OSBPL6: variants seen among roughly 807,000 people sequenced by gnomAD.
The protein encoded by OSBPL6 is oxysterol binding protein like 6.
Under a neutral mutation model 125.8 loss-of-function variants are expected in OSBPL6, and 49 were observed. That is an observed-to-expected ratio of 0.39 (90% CI 0.31 to 0.49). The LOEUF (loss-of-function observed/expected upper bound fraction) is 0.49, where lower values mean the gene tolerates loss of function less well. Among genes scored for constraint, OSBPL6 ranks in the 20% least tolerant of loss-of-function variants. The probability of loss-of-function intolerance (pLI) is 0.88; values close to 1 mark genes in which losing one functional copy is unlikely to be tolerated. For synonymous variants in OSBPL6, 394 were observed against 391.8 expected (o/e 1.01, Z -0.07); for missense variants, 986 against 1,135.4 (o/e 0.87, Z 1.89).
intron 8 of OSBPL6, among the ~76,000 whole-genome samples, chr2:178,335,707 T>C (rs1689619182): frequency 6.6e-6 from 1 of 152,244 alleles, no homozygotes; most frequent in African/African-American, 2.4e-5. Context: ...TTAGTATCTA[T>C]ATACTTAATA....
At chr2:178,304,053 A>G (rs934078223) in intron 2 of OSBPL6, among the ~76,000 whole-genome samples, 1 of 152,162 alleles carries the variant, frequency 6.6e-6, no homozygotes, top group African/African-American at 2.4e-5. Context: ...AAAGAACATA[A>G]ATTTCTTTCT....
At chr2:178,379,157 A>C (rs935721408) in intron 15 of OSBPL6, among the ~76,000 whole-genome samples, 22 of 151,830 alleles carry the variant, frequency 1.4e-4, no homozygotes, top group Non-Finnish European at 3.2e-4. Flanking sequence ...CGGTGACAGA[A>C]AGAGATCCTG....
At chr2:178,348,860 A>G (rs1201766962) in intron 11 of OSBPL6, among the ~76,000 whole-genome samples, 3 of 152,234 alleles carry the variant, frequency 2.0e-5, no homozygotes, top group African/African-American at 7.2e-5. Context: ...CCAGACTGTA[A>G]GAGAAGGTCA....
chr2:178,379,753 C>T, intron 15 of OSBPL6, among the ~76,000 whole-genome samples: 1 of 152,190 alleles, frequency 6.6e-6, no homozygotes, highest in East Asian at 1.9e-4. Context: ...ACCTTCAGCT[C>T]TGCTGCAGTC....
chr2:178,390,416 A>C (rs931598190), intron 21 of OSBPL6, among the ~76,000 whole-genome samples: 4 of 152,080 alleles, frequency 2.6e-5, no homozygotes, highest in Non-Finnish European at 4.4e-5. Flanking sequence ...ACCCCCACAA[A>C]CAACCACCCT....
chr2:178,341,414 A>G (rs1690186582), intron 11 of OSBPL6, among the ~76,000 whole-genome samples: 1 of 151,424 alleles, frequency 6.6e-6, no homozygotes, highest in African/African-American at 2.4e-5. Flanking sequence ...GGTTTTACAT[A>G]GACAGAAAAG....
intron 15 of OSBPL6, 99 bp downstream of exon 15, chr2:178,374,126 T>A: frequency 5.0e-6 from 7 of 1,387,412 alleles, no homozygotes; most frequent in Non-Finnish European, 6.9e-6. Flanking sequence ...TACTTTCATT[T>A]GTTTTTTTGT....
intron 3 of OSBPL6, among the ~76,000 whole-genome samples, chr2:178,321,438 A>G (rs979903020): frequency 2.0e-5 from 3 of 152,160 alleles, no homozygotes. Flanking sequence ...TACAACATTC[A>G]ATTACTTAGA....
At chr2:178,387,219 G>A in intron 20 of OSBPL6, 80 bp downstream of exon 20, 1 of 1,148,628 alleles carries the variant, frequency 8.7e-7, no homozygotes, top group Non-Finnish European at 1.2e-6. Flanking sequence ...CTAGAAGATG[G>A]TAAGGGTTTC....
intron 2 of OSBPL6, among the ~76,000 whole-genome samples, chr2:178,287,149 TAAA>T (rs66530877): frequency 0.024 from 2,962 of 125,462 alleles, 87 homozygotes; most frequent in African/African-American, 0.071. Context: ...CTTCTTTTTT[TAAA>T]AAAAAAAAAA....
At chr2:178,195,903 T>C (rs1314432509) in intron 1 of OSBPL6, among the ~76,000 whole-genome samples, 3 of 152,218 alleles carry the variant, frequency 2.0e-5, no homozygotes, top group African/African-American at 4.8e-5. Flanking sequence ...GGAAATGTAG[T>C]CTTCACAAGG....
At chr2:178,270,546 C>G (rs1466266374) in intron 1 of OSBPL6, among the ~76,000 whole-genome samples, 1 of 152,152 alleles carries the variant, frequency 6.6e-6, no homozygotes, top group African/African-American at 2.4e-5. Flanking sequence ...GACATGGTTC[C>G]AGACACGGGG....
At chr2:178,271,578 T>C (rs945348756) in intron 1 of OSBPL6, among the ~76,000 whole-genome samples, 1 of 152,210 alleles carries the variant, frequency 6.6e-6, no homozygotes, top group Non-Finnish European at 1.5e-5. Flanking sequence ...TTAGACTTAT[T>C]GAGGCTCTAT....
chr2:178,196,742 A>T (rs1056668135), intron 1 of OSBPL6, among the ~76,000 whole-genome samples: 2 of 152,206 alleles, frequency 1.3e-5, no homozygotes, highest in African/African-American at 4.8e-5. Context: ...GAGAGAAGAT[A>T]ATATAGTTTT....
intron 1 of OSBPL6, among the ~76,000 whole-genome samples, chr2:178,218,492 T>C (rs572594861): frequency 6.6e-6 from 1 of 152,208 alleles, no homozygotes; most frequent in East Asian, 1.9e-4. Context: ...AATAGAGGTA[T>C]TCTGGGTTGG....
intron 15 of OSBPL6, among the ~76,000 whole-genome samples, chr2:178,379,844 G>A (rs1294831109): frequency 1.3e-5 from 2 of 152,114 alleles, no homozygotes; most frequent in Non-Finnish European, 2.9e-5. Context: ...ATCTTTATGG[G>A]CTTACTCTGT....
At chr2:178,263,913 C>G (rs1394703687) in intron 1 of OSBPL6, among the ~76,000 whole-genome samples, 8 of 151,974 alleles carry the variant, frequency 5.3e-5, no homozygotes, top group African/African-American at 1.4e-4. Context: ...GCCTCAGGAT[C>G]CCTGAAGCTT....
In OSBPL6 at chr2:178,402,823, A is replaced by G. The variant is rs189057742; in HGVS notation, c.*7264A>G. 2.0e-4 allele frequency: 30 copies of G among 152,334 alleles called. No individual in the cohort carries two copies. The highest frequency in any genetic ancestry group is 6.7e-4 in the African/African-American group (28 of 41,578). 9.4% of individuals were successfully genotyped at this position (152,334 alleles called of 1,614,324 possible). On this transcript the variant is annotated 3_prime_UTR_variant, in exon 25 of 25. Coordinates refer to ENST00000190611, the MANE Select transcript of OSBPL6 (RefSeq NM_032523.4). Reference sequence around the variant, plus strand: ...TCAAAATAAGAATTGTGCCTCTTCAATGAATGTTGTATATGAGAATGTTAC... The same window carrying G: ...TCAAAATAAGAATTGTGCCTCTTCAGTGAATGTTGTATATGAGAATGTTAC...
chr2:178,247,621 GT>G (rs764154773), intron 1 of OSBPL6, among the ~76,000 whole-genome samples: 9 of 152,216 alleles, frequency 5.9e-5, no homozygotes, highest in Admixed American at 1.3e-4. Context: ...CCCCTCCTCT[GT>G]AGCTTTTTCT....
Sources: allele counts gnomAD v4.1 joint callset (sites outside exome capture counted in the v4.1 genomes callset), GRCh38; gene constraint gnomAD v4.1.1; transcripts MANE v1.5; gene names NCBI Gene and HGNC (gene_info 2026-07-23, HGNC 2026-07-21).